RASA3: variants seen among roughly 807,000 people sequenced by gnomAD.
The protein encoded by RASA3 is RAS p21 protein activator 3.
In RASA3, 73 loss-of-function variants were observed where a neutral mutation model predicts 110.0. The ratio of observed to expected loss-of-function variants is 0.66; its 90% CI spans 0.55 to 0.81. RASA3 has a LOEUF of 0.81. Ranked by LOEUF, RASA3 falls within the 30% of genes least tolerant of loss-of-function variation. The pLI is 0.00. For missense variants in RASA3, 976 were observed against 1,113.2 expected (o/e 0.88, Z 1.75); for synonymous variants, 500 against 451.4 (o/e 1.11, Z -1.37).
intron 1 of RASA3, among the ~76,000 whole-genome samples, chr13:114,083,505 G>T (rs1448241905): frequency 2.0e-5 from 3 of 152,252 alleles, no homozygotes; most frequent in Middle Eastern, 3.2e-3. Flanking sequence ...GAAATCACAG[G>T]AAGTGCTGAG....
chr13:113,979,636 G>A (rs1021780108), intron 23 of RASA3, among the ~76,000 whole-genome samples: 1 of 152,186 alleles, frequency 6.6e-6, no homozygotes, highest in African/African-American at 2.4e-5. Flanking sequence ...AAGTACATGT[G>A]CACGTGTGCT....
rs565245011 is a variant in RASA3 at position 114,013,900 on chromosome 13, C to G, written c.1406-652G>C. 5.3e-3 allele frequency among the ~76,000 whole-genome samples: 621 copies of G among 116,356 alleles called. 42 individuals are homozygous for G. The highest frequency in any genetic ancestry group is 0.021 in the African/African-American group (585 of 27,774). The allele number at this position is 116,356 out of a possible 152,430, so 76.3% of individuals were successfully genotyped here. A position where few individuals can be genotyped will look rare whatever the true frequency, so the allele number is the denominator to read the frequency against. The stretch of plus-strand genomic sequence containing the variant: ...CCTATCTCTGTCTCTCTCTTTTTCT[C>G]TCTTTCTCTGTCTCTCTCTCTCCGT... On this transcript the variant is annotated intron_variant, in intron 14 of 23. Transcript: ENST00000334062.
intron 1 of RASA3, among the ~76,000 whole-genome samples, chr13:114,128,680 G>T (rs116716404): frequency 1.3e-5 from 2 of 152,378 alleles, no homozygotes; most frequent in Non-Finnish European, 2.9e-5. Flanking sequence ...GGGCCAGACC[G>T]GCCGTGGGTC....
At position 114,011,134 on chromosome 13, in the gene RASA3, T is replaced by A. The variant is rs1307792942; in HGVS notation, c.1590+37A>T. 1.3e-6 allele frequency: 2 copies of A among 1,530,336 alleles called. No homozygotes were observed. Among genetic ancestry groups the A allele is most frequent in the Admixed American group, 3.4e-5 (2 of 58,784 alleles). The allele number at this position is 1,530,336 out of a possible 1,614,324, so 94.8% of individuals were successfully genotyped here. ...TTTCTGAAGAGAGAAAAGAATCAGT[T>A]GTCCCTAAAAAGAGAAAATGAAGAA... On this transcript the variant is annotated intron_variant, in intron 16 of 23. Transcript: ENST00000334062. This position sits in a 1 kb window ranked among gnomAD's most constrained non-coding sequence, Gnocchi z 4.8.
At chr13:114,050,361 A>T (rs1055765086) in intron 3 of RASA3, among the ~76,000 whole-genome samples, 2 of 152,382 alleles carry the variant, frequency 1.3e-5, no homozygotes, top group South Asian at 2.1e-4. Flanking sequence ...CACCCAGCAC[A>T]GTGTTCCCGC....
chr13:114,087,334 C>T (rs549556125), intron 1 of RASA3, among the ~76,000 whole-genome samples: 5 of 152,234 alleles, frequency 3.3e-5, no homozygotes, highest in Admixed American at 1.3e-4. Flanking sequence ...GGGGAAATCA[C>T]GGGGAAGTGG....
At chr13:114,097,500 A>AGGG (rs1294372540) in intron 1 of RASA3, among the ~76,000 whole-genome samples, 1 of 152,264 alleles carries the variant, frequency 6.6e-6, no homozygotes, top group Non-Finnish European at 1.5e-5. Context: ...TAGATGCCTC[A>AGGG]GGGCGTTTCT....
Position 114,029,554 on chromosome 13 carries a change from A to G in RASA3, c.449+257T>C, listed in dbSNP as rs1417397327. On this transcript the variant is annotated intron_variant, in intron 5 of 23. Coordinates refer to ENST00000334062, the MANE Select transcript of RASA3 (RefSeq NM_007368.4). ...TCCTGGGGGCCAGGACCTCTAAAAC[A>G]GCATCATCCTGGTGGGCCAGGACCT... 3.6e-4 allele frequency among the ~76,000 whole-genome samples: 47 copies of G among 130,464 alleles called. 2 individuals carry two copies. The highest frequency in any genetic ancestry group is 1.2e-3 in the South Asian group (5 of 4,066). The allele number at this position is 130,464 out of a possible 152,430, so 85.6% of individuals were successfully genotyped here. A position where few individuals can be genotyped will look rare whatever the true frequency, so the allele number is the denominator to read the frequency against.
At position 114,056,011 on chromosome 13, in the gene RASA3, G is replaced by T. The variant is rs948957507; in HGVS notation, c.174-3856C>A. 1.5e-4 allele frequency among the ~76,000 whole-genome samples: 23 copies of T among 152,364 alleles called. No homozygotes were observed. Among genetic ancestry groups the T allele is most frequent in the South Asian group, 8.3e-4 (4 of 4,830 alleles). On this transcript the variant is annotated intron_variant, in intron 2 of 23. Coordinates refer to ENST00000334062, the MANE Select transcript of RASA3 (RefSeq NM_007368.4). The surrounding 1 kb of genome is among the most constrained non-coding windows in gnomAD (Gnocchi z 5.7). ...CCATTGGCACAAACTCCAGCAGCCGGCTTGTCAGGAAGCTGCAGCAGCTTC... is the reference window on the plus strand; with the variant it reads ...CCATTGGCACAAACTCCAGCAGCCGTCTTGTCAGGAAGCTGCAGCAGCTTC...
intron 1 of RASA3, 106 bp from the exon 2 acceptor site, chr13:114,073,943 C>T: frequency 1.0e-6 from 1 of 989,500 alleles, no homozygotes; most frequent in Admixed American, 1.8e-5. Context: ...CACTAGCTCT[C>T]TATAAAGCCT....
intron 14 of RASA3, among the ~76,000 whole-genome samples, chr13:114,013,896 T>TTC (rs745615576): frequency 3.6e-5 from 1 of 28,068 alleles, no homozygotes; most frequent in African/African-American, 2.8e-4. Flanking sequence ...CTCTCTCTTT[T>TTC]TCTCTCTTTC....
chr13:114,125,483 C>G (rs1344549944), intron 1 of RASA3, among the ~76,000 whole-genome samples: 1 of 152,192 alleles, frequency 6.6e-6, no homozygotes, highest in Admixed American at 6.5e-5. Context: ...CGAGAACTCA[C>G]TCACTATCGT....
intron 1 of RASA3, among the ~76,000 whole-genome samples, chr13:114,083,652 C>T (rs1287155028): frequency 6.3e-5 from 5 of 79,438 alleles, no homozygotes; most frequent in East Asian, 3.3e-4. Context: ...TTCCTCCTCG[C>T]GGGGAAATCA....
chr13:114,080,262 C>T (rs1022915364), intron 1 of RASA3, among the ~76,000 whole-genome samples: 5 of 152,188 alleles, frequency 3.3e-5, no homozygotes, highest in Admixed American at 1.3e-4. Context: ...CAAGGCACCC[C>T]CCAATCCTCC....
At chr13:114,066,481 G>C (rs1431872328) in intron 2 of RASA3, among the ~76,000 whole-genome samples, 1 of 152,280 alleles carries the variant, frequency 6.6e-6, no homozygotes, top group African/African-American at 2.4e-5. Context: ...TGGGATCCTC[G>C]GTGCGGCCCC....
chr13:114,069,734 TC>T (rs2079530155), intron 2 of RASA3, among the ~76,000 whole-genome samples: 1 of 7,996 alleles, frequency 1.3e-4, no homozygotes, highest in Non-Finnish European at 2.0e-4. Flanking sequence ...GCTGGGAGGC[TC>T]GGGGGCTGGG....
rs1356465324 is a variant in RASA3, at chr13:114,132,566, G to C, written c.-77C>G. ...GCAGCTCAGGCCGAGCAGGAGGAGCGGCGGCGCCGGAGCCCCGAGCGCGGC... is the reference window on the plus strand; with the variant it reads ...GCAGCTCAGGCCGAGCAGGAGGAGCCGCGGCGCCGGAGCCCCGAGCGCGGC... On this transcript the variant is annotated 5_prime_UTR_variant, in exon 1 of 24. Coordinates refer to ENST00000334062, the MANE Select transcript of RASA3 (RefSeq NM_007368.4). 5.8e-6 allele frequency: 7 copies of C among 1,202,732 alleles called. No individual in the cohort carries two copies. Among genetic ancestry groups the C allele is most frequent in the African/African-American group, 1.6e-5 (1 of 62,784 alleles). 74.5% of individuals were successfully genotyped at this position (1,202,732 alleles called of 1,614,324 possible).
In RASA3 at chr13:113,979,297, C is replaced by T. The variant is rs765207200; in HGVS notation, c.*50G>A. The T allele has an allele frequency of 2.3e-5, 34 of 1,484,536 alleles. No homozygotes were observed. The highest frequency in any genetic ancestry group is 1.0e-4 in the South Asian group (9 of 88,468). The allele number at this position is 1,484,536 out of a possible 1,614,324, so 92.0% of individuals were successfully genotyped here. A position where few individuals can be genotyped will look rare whatever the true frequency, so the allele number is the denominator to read the frequency against. On this transcript the variant is annotated 3_prime_UTR_variant, in exon 24 of 24. Coordinates refer to ENST00000334062, the MANE Select transcript of RASA3 (RefSeq NM_007368.4). ...CTTCTCTTCTCCCTCCCAAAGGCTG[C>T]GGCTTTGCATGGGCAGCTTGCTGGC...
chr13:114,018,567 G>A (rs1162576891), intron 10 of RASA3, among the ~76,000 whole-genome samples, 196 bp downstream of exon 10: 2 of 152,162 alleles, frequency 1.3e-5, no homozygotes, highest in South Asian at 2.1e-4. Context: ...AGGCTCCCAC[G>A]GCTCTAACTG....
Sources: gnomAD v4.1 joint callset for allele counts (sites outside exome capture counted in the v4.1 genomes callset) on GRCh38, gnomAD v4.1.1 for gene constraint, Gnocchi (gnomAD v3.1) non-coding constraint, MANE v1.5 for transcripts, NCBI Gene and HGNC (gene_info 2026-07-23, HGNC 2026-07-21) for gene names.